Variants in LMO7 observed in about 807,000 individuals in gnomAD.
The protein encoded by LMO7 is LIM domain only protein 7.
A neutral mutation model predicts 206.5 loss-of-function variants in LMO7; 120 were observed. The observed-to-expected ratio is 0.58, with a 90% confidence interval of 0.50 to 0.68. LMO7 has a LOEUF of 0.68. LMO7 is among the 30% of genes least tolerant of loss of function. The probability of loss-of-function intolerance (pLI) is 0.00; values close to 1 mark genes in which losing one functional copy is unlikely to be tolerated. For missense variants in LMO7, 1,959 were observed against 1,957.9 expected (o/e 1.00, Z -0.01); for synonymous variants, 706 against 681.5 (o/e 1.04, Z -0.56).
chr13:75,792,665 G>T (rs1043687782), intron 4 of LMO7, among the ~76,000 whole-genome samples: 3 of 152,154 alleles, frequency 2.0e-5, no homozygotes, highest in Non-Finnish European at 2.9e-5. Context: ...ACAGGCAAAG[G>T]AGCTGCTTGG....
chr13:75,623,060 T>A (rs2033526800), intron 1 of LMO7, among the ~76,000 whole-genome samples: 1 of 152,232 alleles, frequency 6.6e-6, no homozygotes, highest in African/African-American at 2.4e-5. Flanking sequence ...AAATTTAAAC[T>A]TAAAATATTG....
At chr13:75,747,319 A>G (rs762747456) in intron 3 of LMO7, among the ~76,000 whole-genome samples, 6 of 152,168 alleles carry the variant, frequency 3.9e-5, no homozygotes, top group Non-Finnish European at 8.8e-5. Context: ...TGACTAGCCC[A>G]TGGTTCATTA....
intron 1 of LMO7, among the ~76,000 whole-genome samples, chr13:75,695,260 A>C (rs1020458642): frequency 6.6e-6 from 1 of 152,212 alleles, no homozygotes; most frequent in Admixed American, 6.5e-5. Flanking sequence ...GTTGAGAGGA[A>C]TCTTAGATGT....
intron 1 of LMO7, among the ~76,000 whole-genome samples, chr13:75,640,901 C>G (rs1161176506): frequency 2.0e-5 from 3 of 152,230 alleles, no homozygotes; most frequent in Non-Finnish European, 4.4e-5. Context: ...ATTTCCTCTT[C>G]TGCCTCAACC....
intron 7 of LMO7, among the ~76,000 whole-genome samples, chr13:75,802,343 T>C (rs569067413): frequency 6.6e-6 from 1 of 152,332 alleles, no homozygotes; most frequent in East Asian, 1.9e-4. Flanking sequence ...ACGATTCCAA[T>C]ACGTTTAAGG....
At chr13:75,800,020 T>C (rs1439402882) in intron 6 of LMO7, among the ~76,000 whole-genome samples, 1 of 152,228 alleles carries the variant, frequency 6.6e-6, no homozygotes, top group Non-Finnish European at 1.5e-5. Flanking sequence ...AAATAAGTTA[T>C]ATATGTCAGC....
chr13:75,779,711 T>G (rs1380348628), intron 4 of LMO7, among the ~76,000 whole-genome samples: 7 of 152,134 alleles, frequency 4.6e-5, no homozygotes. Flanking sequence ...ATGGAAAAAT[T>G]GACATAACGC....
At chr13:75,759,651 T>G (rs9671135) in intron 3 of LMO7, among the ~76,000 whole-genome samples, 12 of 152,206 alleles carry the variant, frequency 7.9e-5, no homozygotes, top group Non-Finnish European at 1.5e-4. Context: ...TAGATTGGAA[T>G]GACCAGGATC....
rs1014251130 is a variant in LMO7 at position 75,805,898 on chromosome 13, A to G, written c.1196+138A>G. On this transcript the variant is annotated intron_variant, in intron 9 of 30. Transcript: ENST00000377534. ...CTCTAGTATCTGCGGAACCTATATA[A>G]TGGAAATGAATTTCTGTTTAAATTT... 54 of 1,123,382 alleles carry G rather than the reference A, an allele frequency of 4.8e-5. No homozygotes were observed. The Admixed American group carries it at 1.0e-3, about 21-fold the overall frequency. 69.6% of individuals were successfully genotyped at this position (1,123,382 alleles called of 1,614,324 possible). A position where few individuals can be genotyped will look rare whatever the true frequency, so the allele number is the denominator to read the frequency against.
chr13:75,687,832 A>AT (rs1473400919), intron 1 of LMO7, among the ~76,000 whole-genome samples: 5 of 152,160 alleles, frequency 3.3e-5, no homozygotes, highest in Admixed American at 1.3e-4. Flanking sequence ...AAATGCAAGA[A>AT]TAAGTACCTG....
intron 6 of LMO7, among the ~76,000 whole-genome samples, chr13:75,798,236 G>C (rs2054282830): frequency 6.6e-6 from 1 of 152,200 alleles, no homozygotes; most frequent in Non-Finnish European, 1.5e-5. Flanking sequence ...TGTGTGTGGT[G>C]ATACATGCCT....
In LMO7 at chr13:75,807,955, C is replaced by T. The variant is rs765946755; in HGVS notation, c.1672C>T (p.Leu558Phe). 1 of 1,613,948 alleles carries T rather than the reference C, an allele frequency of 6.2e-7. No homozygotes were observed. Residue 558 changes from leucine to phenylalanine, a missense_variant, in exon 10 of 31, where the codon CTC becomes TTC. Leu to Phe is a conservative substitution (Grantham distance 22, BLOSUM62 0). Transcript: ENST00000377534. ...TLPPEIQAKF[L>F]CVLERTCPSK... Reference sequence around the variant, plus strand: ...TCCTCCAGAAATTCAAGCAAAATTTCTCTGTGTACTTGAAAGGACATGCCC... The same window carrying T: ...TCCTCCAGAAATTCAAGCAAAATTTTTCTGTGTACTTGAAAGGACATGCCC...
chr13:75,857,936 C>T lies in LMO7; in HGVS notation c.4889C>T (p.Ala1630Val). The T allele has an allele frequency of 1.2e-6, 2 of 1,604,114 alleles. No individual in the cohort carries two copies. Among genetic ancestry groups the T allele is most frequent in the Non-Finnish European group, 1.7e-6 (2 of 1,175,456 alleles). ...YLRFKSGRPTAM is the reference protein window; with the variant it reads ...YLRFKSGRPTVM ...GCCCGATCAGCTGGACGGCCAACCG[C>T]CATGTGATGTAAGCCTCCATACGAA... is the stretch of plus-strand genomic sequence containing the variant. Residue 1630 changes from alanine to valine, a missense_variant, in exon 31 of 31, where the codon GCC becomes GTC. Physicochemically the swap from Ala to Val is moderately conservative, Grantham distance 64. Transcript: ENST00000377534.
At chr13:75,709,956 T>A (rs1402500770) in intron 1 of LMO7, among the ~76,000 whole-genome samples, 9 of 152,008 alleles carry the variant, frequency 5.9e-5, no homozygotes, top group Non-Finnish European at 7.4e-5. Context: ...TCTTTAATCC[T>A]TCTTGAATTA....
intron 4 of LMO7, among the ~76,000 whole-genome samples, chr13:75,781,041 A>G (rs1239970238): frequency 7.4e-6 from 1 of 134,958 alleles, no homozygotes; most frequent in Admixed American, 7.7e-5. Flanking sequence ...ATTTATAATT[A>G]TCTAATGGAA....
chr13:75,688,992 A>C (rs539576116), intron 1 of LMO7: 1 of 152,084 alleles, frequency 6.6e-6, no homozygotes, highest in African/African-American at 2.4e-5. Flanking sequence ...AATTCTTGAA[A>C]TTTATTCTAC....
chr13:75,628,411 G>A (rs2034485584), intron 2 of LMO7: 1 of 152,152 alleles, frequency 6.6e-6, no homozygotes, highest in Non-Finnish European at 1.5e-5. Flanking sequence ...TGATTTCCAA[G>A]TATGGAATTG....
chr13:75,785,439 T>C (rs1003898045), intron 4 of LMO7, among the ~76,000 whole-genome samples: 3 of 152,116 alleles, frequency 2.0e-5, no homozygotes, highest in Admixed American at 6.5e-5. Flanking sequence ...CTCAACATAA[T>C]GATTGATAGA....
chr13:75,758,697 T>C (rs975331592), intron 3 of LMO7, among the ~76,000 whole-genome samples: 4 of 152,216 alleles, frequency 2.6e-5, no homozygotes, highest in Non-Finnish European at 5.9e-5. Context: ...TCTATCCTTA[T>C]CAATCTGTAC....
Sources: gnomAD v4.1 joint callset for allele counts (sites outside exome capture counted in the v4.1 genomes callset) on GRCh38, gnomAD v4.1.1 for gene constraint, MANE v1.5 for transcripts, NCBI Gene and HGNC (gene_info 2026-07-23, HGNC 2026-07-21) for gene names.